KCTD8: variants seen among roughly 807,000 people sequenced by gnomAD.
KCTD8 encodes the protein BTB/POZ domain-containing protein KCTD8.
A neutral mutation model predicts 31.5 loss-of-function variants in KCTD8; 27 were observed. The observed-to-expected ratio is 0.86, with a 90% confidence interval of 0.63 to 1.18. KCTD8 has a LOEUF of 1.18. Ranked by LOEUF, KCTD8 falls within the 50% of genes most tolerant of loss-of-function variation. The pLI is 0.00. For missense variants in KCTD8, 658 were observed against 647.7 expected (o/e 1.02, Z -0.17); for synonymous variants, 290 against 280.0 (o/e 1.04, Z -0.36).
intron 1 of KCTD8, among the ~76,000 whole-genome samples, chr4:44,314,686 G>T (rs1336864844): frequency 6.6e-6 from 1 of 151,766 alleles, no homozygotes; most frequent in African/African-American, 2.4e-5. Flanking sequence ...TTACACAGCA[G>T]GGATCATATC....
chr4:44,326,069 C>T (rs535815792), intron 1 of KCTD8, among the ~76,000 whole-genome samples: 134 of 152,054 alleles, frequency 8.8e-4, no homozygotes, highest in Non-Finnish European at 1.6e-3. Context: ...GTGTGGAACA[C>T]ATATCCCTTG....
At chr4:44,186,655 C>T (rs572790910) in intron 1 of KCTD8, among the ~76,000 whole-genome samples, 1 of 152,322 alleles carries the variant, frequency 6.6e-6, no homozygotes, top group South Asian at 2.1e-4. Flanking sequence ...GCGTCCTCCC[C>T]CTAGGGGTTT....
intron 1 of KCTD8, among the ~76,000 whole-genome samples, chr4:44,428,775 A>C (rs1384684460): frequency 6.6e-6 from 1 of 151,892 alleles, no homozygotes; most frequent in African/African-American, 2.4e-5. Flanking sequence ...CAGAAGGCAC[A>C]GAATGGTCAC....
chr4:44,441,446 G>T (rs565791556), intron 1 of KCTD8, among the ~76,000 whole-genome samples: 41 of 152,118 alleles, frequency 2.7e-4, no homozygotes, highest in African/African-American at 9.9e-4. Flanking sequence ...ATATTTCTAT[G>T]GAAATTTAAC....
chr4:44,443,889 T>C (rs1461984422), intron 1 of KCTD8, among the ~76,000 whole-genome samples: 1 of 152,172 alleles, frequency 6.6e-6, no homozygotes, highest in Non-Finnish European at 1.5e-5. Flanking sequence ...CTCCCAGATA[T>C]TGCTAAAGGC....
intron 1 of KCTD8, among the ~76,000 whole-genome samples, chr4:44,380,525 T>G (rs1720036254): frequency 6.6e-6 from 1 of 151,666 alleles, no homozygotes; most frequent in African/African-American, 2.4e-5. Flanking sequence ...TGTGATCAAA[T>G]AATTTTAATT....
intron 1 of KCTD8, among the ~76,000 whole-genome samples, chr4:44,429,934 T>A (rs1210585529): frequency 6.6e-6 from 1 of 151,596 alleles, no homozygotes. Flanking sequence ...AGCAGGAAGA[T>A]TAATAAATTG....
intron 1 of KCTD8, among the ~76,000 whole-genome samples, chr4:44,241,715 C>T (rs1340070286): frequency 6.6e-6 from 1 of 152,068 alleles, no homozygotes; most frequent in Non-Finnish European, 1.5e-5. Context: ...ATCACAGGTC[C>T]CAGTCACCCA....
rs1481599490 is a variant in KCTD8 at position 44,306,856 on chromosome 4, T to C, written c.962-131606A>G. 3.3e-5 allele frequency among the ~76,000 whole-genome samples: 5 copies of C among 151,850 alleles called. No individual in the cohort carries two copies. The East Asian group carries it at 9.6e-4, about 29-fold the overall frequency. On this transcript the variant is annotated intron_variant, in intron 1 of 1. Transcript: ENST00000360029. Reference sequence around the variant, plus strand: ...CTAGTTCCCTTTGCCACTGACTATTTAAAAAGGAGAAAAAGAAGAAACCTA... The same window carrying C: ...CTAGTTCCCTTTGCCACTGACTATTCAAAAAGGAGAAAAAGAAGAAACCTA...
intron 1 of KCTD8, among the ~76,000 whole-genome samples, chr4:44,339,717 A>T (rs2109417736): frequency 6.6e-6 from 1 of 152,300 alleles, no homozygotes; most frequent in Non-Finnish European, 1.5e-5. Context: ...AATGCTACAA[A>T]AAAAATTGAG....
rs71188270 is a variant in KCTD8 at position 44,316,795 on chromosome 4, G to GAAAAA, written c.961+130763_961+130767dup. Among the ~76,000 whole-genome samples the GAAAAA allele has an allele frequency of 1.5e-3, 61 of 40,354 alleles. 1 individual carries two copies. Among genetic ancestry groups the GAAAAA allele is most frequent in the Non-Finnish European group, 2.3e-3 (35 of 15,356 alleles). 26.5% of individuals were successfully genotyped at this position (40,354 alleles called of 152,430 possible). A position where few individuals can be genotyped will look rare whatever the true frequency, so the allele number is the denominator to read the frequency against. ...GAAACCCCATCTCTACTAAAAATAC[G>GAAAAA]AAAAAAAAAAAAAAAAAAAAAAAAA... On this transcript the variant is annotated intron_variant, in intron 1 of 1. Coordinates refer to ENST00000360029, the MANE Select transcript of KCTD8 (RefSeq NM_198353.3).
intron 1 of KCTD8, among the ~76,000 whole-genome samples, chr4:44,299,723 T>C (rs1408984921): frequency 6.7e-6 from 1 of 148,162 alleles, no homozygotes; most frequent in Non-Finnish European, 1.5e-5. Context: ...TGAGACTCCG[T>C]CTCAAAAAAA....
chr4:44,408,993 A>ACT (rs1720888502), intron 1 of KCTD8, among the ~76,000 whole-genome samples: 1 of 151,768 alleles, frequency 6.6e-6, no homozygotes, highest in African/African-American at 2.4e-5. Flanking sequence ...CTGTAACCCT[A>ACT]GTACTTTGGG....
At chr4:44,231,572 G>A (rs1199330396) in intron 1 of KCTD8, among the ~76,000 whole-genome samples, 1 of 152,092 alleles carries the variant, frequency 6.6e-6, no homozygotes, top group Non-Finnish European at 1.5e-5. Context: ...GGAGCAAAAT[G>A]GAATGTTGTC....
intron 1 of KCTD8, among the ~76,000 whole-genome samples, chr4:44,315,010 A>G (rs1463212630): frequency 1.3e-5 from 2 of 151,700 alleles, no homozygotes; most frequent in Non-Finnish European, 2.9e-5. Flanking sequence ...ATTTTATTAT[A>G]TCATTATCAG....
At chr4:44,194,991 G>T (rs1489877749) in intron 1 of KCTD8, among the ~76,000 whole-genome samples, 1 of 150,808 alleles carries the variant, frequency 6.6e-6, no homozygotes, top group East Asian at 1.9e-4. Context: ...AAGTAGCTGG[G>T]ATTACAGGCA....
intron 1 of KCTD8, among the ~76,000 whole-genome samples, chr4:44,307,057 C>T (rs563586910): frequency 2.6e-5 from 4 of 151,806 alleles, no homozygotes; most frequent in African/African-American, 4.8e-5. Context: ...CGGCCATAAA[C>T]AAAATCAGTA....
intron 1 of KCTD8, among the ~76,000 whole-genome samples, chr4:44,235,525 T>TTATATATATATA (rs752341720): frequency 7.3e-4 from 40 of 55,056 alleles, no homozygotes; most frequent in Non-Finnish European, 1.3e-3. Flanking sequence ...AGACACTGGA[T>TTATATATATATA]TATATATATA....
chr4:44,430,764 C>T (rs950678933), intron 1 of KCTD8, among the ~76,000 whole-genome samples: 3 of 151,562 alleles, frequency 2.0e-5, no homozygotes, highest in African/African-American at 4.8e-5. Flanking sequence ...CCCTCCTGCT[C>T]CTAAATCAGT....
Sources: gnomAD v4.1 joint callset for allele counts (sites outside exome capture counted in the v4.1 genomes callset) on GRCh38, gnomAD v4.1.1 for gene constraint, MANE v1.5 for transcripts, NCBI Gene and HGNC (gene_info 2026-07-23, HGNC 2026-07-21) for gene names.